PSD3: variants seen among roughly 807,000 people sequenced by gnomAD.
The protein encoded by PSD3 is pleckstrin and Sec7 domain containing 3.
A neutral mutation model predicts 105.5 loss-of-function variants in PSD3; 49 were observed. That is an observed-to-expected ratio of 0.46 (90% CI 0.37 to 0.59). The LOEUF is 0.59. PSD3 is among the 20% of genes least tolerant of loss of function. The pLI is 0.00. For missense variants in PSD3, 1,561 were observed against 1,263.8 expected, an observed-to-expected ratio of 1.24 and a Z score of -3.57; for synonymous variants, 557 against 457.8, an observed-to-expected ratio of 1.22 and a Z score of -2.77.
chr8:18,543,634 A>C (rs1436520691), intron 15 of PSD3, among the ~76,000 whole-genome samples: 1 of 151,748 alleles, frequency 6.6e-6, no homozygotes, highest in Admixed American at 6.6e-5. Flanking sequence ...AAAAAAAAAA[A>C]CAACAACAAA....
In PSD3 at chr8:18,632,615, T is replaced by C. The variant is rs111446730; in HGVS notation, c.2408A>G (p.Lys803Arg). ...AAATGACAACGCATGATACTTACTCTTCTTTCCATCCATATCTGCATGAAT... is the reference window on the plus strand; with the variant it reads ...AAATGACAACGCATGATACTTACTCCTCTTTCCATCCATATCTGCATGAAT... ...RKIHADMDGK[K>R]TPRGKRGWKT... Residue 803 changes from lysine to arginine, a missense_variant and splice_region_variant, in exon 11 of 16, where the codon AAG (lysine) becomes AGG (arginine). Physicochemically the swap from Lys to Arg is conservative, Grantham distance 26. Transcript: ENST00000327040. The C allele has an allele frequency of 6.2e-7, 1 of 1,608,766 alleles. No individual in the cohort carries two copies. Among genetic ancestry groups the C allele is most frequent in the East Asian group, 2.2e-5 (1 of 44,828 alleles).
chr8:18,840,982 T>C (rs970127404), intron 4 of PSD3, among the ~76,000 whole-genome samples: 3 of 152,210 alleles, frequency 2.0e-5, no homozygotes, highest in African/African-American at 7.2e-5. Context: ...AAAATTCTAC[T>C]ACAGTCTACT....
At chr8:19,036,161 G>A (rs1360808153) in intron 1 of PSD3, among the ~76,000 whole-genome samples, 2 of 152,184 alleles carry the variant, frequency 1.3e-5, no homozygotes, top group African/African-American at 4.8e-5. Context: ...GCAATGCAGA[G>A]CTGAAGGAAT....
At chr8:18,965,647 G>A (rs1413186753) in intron 1 of PSD3, among the ~76,000 whole-genome samples, 6 of 152,222 alleles carry the variant, frequency 3.9e-5, no homozygotes, top group African/African-American at 1.4e-4. Flanking sequence ...AATGCAGTAA[G>A]TGGTGTACAT....
intron 12 of PSD3, among the ~76,000 whole-genome samples, chr8:18,580,909 T>C (rs1051072700): frequency 6.6e-6 from 1 of 152,176 alleles, no homozygotes; most frequent in African/African-American, 2.4e-5. Flanking sequence ...CCGTCGCTCT[T>C]AACCATTCCA....
intron 9 of PSD3, among the ~76,000 whole-genome samples, chr8:18,717,490 T>A (rs1470381549): frequency 6.6e-6 from 1 of 152,210 alleles, no homozygotes; most frequent in Non-Finnish European, 1.5e-5. Context: ...AATGTTAATG[T>A]TGCAAGCTTT....
At chr8:19,059,986 T>C (rs373183809) in intron 1 of PSD3, among the ~76,000 whole-genome samples, 6 of 152,232 alleles carry the variant, frequency 3.9e-5, no homozygotes, top group African/African-American at 1.4e-4. Context: ...CGGGCTGCTG[T>C]CAAATCTGGG....
intron 9 of PSD3, among the ~76,000 whole-genome samples, chr8:18,677,696 G>A (rs1202640158): frequency 6.6e-6 from 1 of 152,134 alleles, no homozygotes; most frequent in Non-Finnish European, 1.5e-5. Context: ...GATCTCCTTT[G>A]GCTAAGGATC....
chr8:18,567,079 A>C (rs901660198), intron 14 of PSD3, among the ~76,000 whole-genome samples: 1 of 152,160 alleles, frequency 6.6e-6, no homozygotes, highest in Non-Finnish European at 1.5e-5. Flanking sequence ...TCAAGGAAAC[A>C]CTCATATGTT....
chr8:18,729,832 C>G (rs1462318262), intron 9 of PSD3, among the ~76,000 whole-genome samples: 1 of 152,160 alleles, frequency 6.6e-6, no homozygotes, highest in Non-Finnish European at 1.5e-5. Context: ...AATCCTCATG[C>G]TAAACCTTCC....
chr8:19,068,191 C>T (rs986554345), intron 1 of PSD3, among the ~76,000 whole-genome samples: 15 of 151,898 alleles, frequency 9.9e-5, no homozygotes, highest in Non-Finnish European at 1.9e-4. Context: ...CCTTGAGATC[C>T]TTAGCGATGG....
At chr8:19,041,865 T>G (rs1311538216) in intron 1 of PSD3, among the ~76,000 whole-genome samples, 1 of 152,204 alleles carries the variant, frequency 6.6e-6, no homozygotes, top group African/African-American at 2.4e-5. Flanking sequence ...GCCTTTCCTA[T>G]GTGGCTTTAC....
rs760465732 is a variant in PSD3, at chr8:19,068,964, G to T, written c.324+15242C>A. Among the ~76,000 whole-genome samples the T allele has an allele frequency of 1.6e-4, 25 of 151,850 alleles. 1 individual carries two copies. The highest frequency in any genetic ancestry group is 3.9e-4 in the East Asian group (2 of 5,162). ...CTACCATGCCCTGTCACTGTCTTTG[G>T]GCTCCCCTCCCCCAAATCCTTATTA... On this transcript the variant is annotated intron_variant, in intron 1 of 1. Transcript: ENST00000521475.
In PSD3 at chr8:18,532,216, A is replaced by T. The variant is rs1799663610; in HGVS notation, c.*3527T>A. ...AGCAATAGGCAAAGGACAGTAGAAA[A>T]GCTCAGTGTAACTTTGTGTTTAGGC... On this transcript the variant is annotated 3_prime_UTR_variant, in exon 16 of 16. Transcript: ENST00000327040. The T allele has an allele frequency of 6.6e-6, 1 of 152,236 alleles. No homozygotes were observed. The highest frequency in any genetic ancestry group is 1.5e-5 in the Non-Finnish European group (1 of 68,066). The allele number at this position is 152,236 out of a possible 1,614,324, so 9.4% of individuals were successfully genotyped here. A position where few individuals can be genotyped will look rare whatever the true frequency, so the allele number is the denominator to read the frequency against.
intron 4 of PSD3, among the ~76,000 whole-genome samples, chr8:18,848,616 G>C (rs1235351099): frequency 6.6e-6 from 1 of 152,250 alleles, no homozygotes; most frequent in African/African-American, 2.4e-5. Flanking sequence ...TCTCTCTCAT[G>C]TAGGGGTGCT....
At chr8:18,812,079 C>A (rs915808775) in intron 4 of PSD3, among the ~76,000 whole-genome samples, 1 of 152,072 alleles carries the variant, frequency 6.6e-6, no homozygotes, top group Non-Finnish European at 1.5e-5. Flanking sequence ...GACTGAACAC[C>A]GCCACTCATT....
intron 2 of PSD3, among the ~76,000 whole-genome samples, chr8:18,896,420 T>C (rs564476354): frequency 1.3e-5 from 2 of 152,322 alleles, no homozygotes; most frequent in Admixed American, 6.5e-5. Context: ...GCTATACTTT[T>C]ATTTTATTTT....
At chr8:19,007,460 TACTG>T (rs1304316677) in intron 1 of PSD3, among the ~76,000 whole-genome samples, 3 of 145,614 alleles carry the variant, frequency 2.1e-5, no homozygotes, top group South Asian at 2.1e-4. Context: ...CACATGTAGC[TACTG>T]ACTATCTTAT....
At chr8:18,649,375 G>T (rs1053334818) in intron 10 of PSD3, among the ~76,000 whole-genome samples, 2 of 152,220 alleles carry the variant, frequency 1.3e-5, no homozygotes, top group Non-Finnish European at 2.9e-5. Flanking sequence ...TGACTGTCCT[G>T]CCGGGGTTTC....
Sources: allele counts gnomAD v4.1 joint callset (sites outside exome capture counted in the v4.1 genomes callset), GRCh38; gene constraint gnomAD v4.1.1; transcripts MANE v1.5; gene names NCBI Gene and HGNC (gene_info 2026-07-23, HGNC 2026-07-21).